PPP1R1C: variants seen among roughly 807,000 people sequenced by gnomAD.
PPP1R1C encodes the protein protein phosphatase 1 regulatory subunit 1C.
Under a neutral mutation model 17.4 loss-of-function variants are expected in PPP1R1C, and 15 were observed. That is an observed-to-expected ratio of 0.86 (90% confidence interval 0.58 to 1.33). The LOEUF is 1.33. PPP1R1C is among the 40% of genes most tolerant of loss of function. The probability of loss-of-function intolerance (pLI) is 0.00; values close to 1 mark genes in which losing one functional copy is unlikely to be tolerated. For synonymous variants in PPP1R1C, 35 were observed against 43.1 expected (o/e 0.81, Z 0.73); for missense variants, 143 against 130.0 (o/e 1.10, Z -0.48).
At chr2:182,064,068 G>A (rs950035855) in intron 4 of PPP1R1C, 4 of 394,944 alleles carry the variant, frequency 1.0e-5, no homozygotes, top group South Asian at 1.0e-4. Context: ...ACCGTTATTC[G>A]CATACTTCCT....
chr2:182,099,963 A>G (rs1202689170), intron 4 of PPP1R1C, among the ~76,000 whole-genome samples: 1 of 150,540 alleles, frequency 6.6e-6, no homozygotes, highest in Non-Finnish European at 1.5e-5. Context: ...TGCCTTGTCC[A>G]TAGGGAGACG....
chr2:181,974,333 T>C (rs1685060782), intron 1 of PPP1R1C, among the ~76,000 whole-genome samples: 2 of 152,214 alleles, frequency 1.3e-5, no homozygotes, highest in South Asian at 4.1e-4. Context: ...AAATTCCAAA[T>C]TGGATTCCAT....
chr2:182,013,947 T>C (rs1686167028), intron 2 of PPP1R1C, among the ~76,000 whole-genome samples: 1 of 152,232 alleles, frequency 6.6e-6, no homozygotes, highest in African/African-American at 2.4e-5. Context: ...TTCTGTGTTA[T>C]CTTGAATTTC....
chr2:182,118,836 T>C (rs542619581), downstream of PPP1R1C, among the ~76,000 whole-genome samples: 4 of 151,820 alleles, frequency 2.6e-5, no homozygotes, highest in East Asian at 7.8e-4. Flanking sequence ...CTTTCTTCCT[T>C]TTCTCTCTCC....
intron 4 of PPP1R1C, among the ~76,000 whole-genome samples, chr2:182,072,904 T>C (rs1014882713): frequency 6.6e-6 from 1 of 152,204 alleles, no homozygotes; most frequent in Non-Finnish European, 1.5e-5. Flanking sequence ...GACTGTTTTG[T>C]TTTAGATTCC....
chr2:182,058,969 A>G (rs1687768534), intron 2 of PPP1R1C, among the ~76,000 whole-genome samples: 1 of 152,088 alleles, frequency 6.6e-6, no homozygotes, highest in Non-Finnish European at 1.5e-5. Context: ...CCAAAATTGA[A>G]TGAGATCTCA....
At chr2:182,054,058 T>G (rs939670569) in intron 2 of PPP1R1C, among the ~76,000 whole-genome samples, 1 of 152,236 alleles carries the variant, frequency 6.6e-6, no homozygotes, top group African/African-American at 2.4e-5. Context: ...TCATGTATTT[T>G]ATATCTTTAT....
chr2:181,990,231 G>T (rs1153747), intron 2 of PPP1R1C, among the ~76,000 whole-genome samples: 1 of 151,496 alleles, frequency 6.6e-6, no homozygotes. Context: ...CTCCACCTCC[G>T]GGGTTCACGC....
At chr2:182,110,709 G>A (rs1317802863) in intron 4 of PPP1R1C, among the ~76,000 whole-genome samples, 3 of 152,108 alleles carry the variant, frequency 2.0e-5, no homozygotes, top group Non-Finnish European at 4.4e-5. Flanking sequence ...ATGCTTTCAA[G>A]GCTAACCACT....
intron 1 of PPP1R1C, among the ~76,000 whole-genome samples, chr2:181,958,788 A>G (rs1436492826): frequency 6.6e-6 from 1 of 152,182 alleles, no homozygotes; most frequent in Non-Finnish European, 1.5e-5. Context: ...ATGCATCCAC[A>G]TTGTAGCATC....
intron 2 of PPP1R1C, among the ~76,000 whole-genome samples, chr2:182,004,951 A>G (rs921477840): frequency 1.3e-5 from 2 of 152,180 alleles, no homozygotes; most frequent in Non-Finnish European, 2.9e-5. Context: ...ATGGTAATGA[A>G]TTCAGAATGG....
intron 2 of PPP1R1C, among the ~76,000 whole-genome samples, chr2:182,057,835 C>T (rs1282740352): frequency 6.6e-6 from 1 of 152,074 alleles, no homozygotes; most frequent in Non-Finnish European, 1.5e-5. Flanking sequence ...CTTCAAAATA[C>T]ACGCAGAATT....
At chr2:181,966,157 T>C (rs1459876372) in intron 1 of PPP1R1C, among the ~76,000 whole-genome samples, 1 of 152,232 alleles carries the variant, frequency 6.6e-6, no homozygotes, top group Admixed American at 6.5e-5. Flanking sequence ...GTTAATTTTG[T>C]ATGCTGCAGC....
intron 2 of PPP1R1C, among the ~76,000 whole-genome samples, chr2:182,035,661 G>GCT (rs376480707): frequency 4.6e-5 from 7 of 151,340 alleles, no homozygotes; most frequent in East Asian, 1.9e-4. Context: ...CTCCCCCTTC[G>GCT]CTCTCTCTCT....
chr2:182,038,337 C>A (rs1039256631), intron 2 of PPP1R1C, among the ~76,000 whole-genome samples: 9 of 152,178 alleles, frequency 5.9e-5, no homozygotes, highest in Non-Finnish European at 1.2e-4. Context: ...CTGCACCCAG[C>A]CTTATTCATA....
intron 4 of PPP1R1C, among the ~76,000 whole-genome samples, chr2:182,111,608 A>G (rs1166561224): frequency 6.6e-6 from 1 of 152,098 alleles, no homozygotes; most frequent in Non-Finnish European, 1.5e-5. Context: ...GAACAATTAC[A>G]ATAAATATAA....
chr2:182,104,876 C>T (rs563867516), intron 4 of PPP1R1C, among the ~76,000 whole-genome samples: 1 of 152,272 alleles, frequency 6.6e-6, no homozygotes, highest in African/African-American at 2.4e-5. Context: ...AGCCGTGAAG[C>T]CATCATGTCC....
intron 2 of PPP1R1C, among the ~76,000 whole-genome samples, chr2:182,015,731 G>T (rs1686245366): frequency 6.6e-6 from 1 of 152,144 alleles, no homozygotes; most frequent in Non-Finnish European, 1.5e-5. Context: ...GGAATGGGGG[G>T]TCTTAGGGCT....
intron 2 of PPP1R1C, among the ~76,000 whole-genome samples, chr2:181,993,744 T>G (rs1254382081): frequency 1.3e-5 from 2 of 152,186 alleles, no homozygotes; most frequent in Non-Finnish European, 2.9e-5. Context: ...GTACAATTAA[T>G]TGACTTATTT....
Sources: gnomAD v4.1 joint callset for allele counts (sites outside exome capture counted in the v4.1 genomes callset) on GRCh38, gnomAD v4.1.1 for gene constraint, MANE v1.5 for transcripts, NCBI Gene and HGNC (gene_info 2026-07-23, HGNC 2026-07-21) for gene names.